CUL5: variants seen among roughly 807,000 people sequenced by gnomAD.
CUL5 encodes cullin 5.
A neutral mutation model predicts 108.8 loss-of-function variants in CUL5; 26 were observed. That is an observed-to-expected ratio of 0.24 (90% CI 0.18 to 0.33). CUL5 has a LOEUF of 0.33. Ranked by LOEUF, CUL5 falls within the 10% of genes least tolerant of loss-of-function variation. CUL5 has a pLI of 1.00. For synonymous variants in CUL5, 334 were observed against 298.0 expected (o/e 1.12, Z -1.25); for missense variants, 524 against 909.2 (o/e 0.58, Z 5.45).
At chr11:108,049,309 A>G (rs1402230770) in intron 3 of CUL5, among the ~76,000 whole-genome samples, 1 of 150,588 alleles carries the variant, frequency 6.6e-6, no homozygotes, top group Admixed American at 6.6e-5. Flanking sequence ...TGGATATACC[A>G]TATATTGTGG....
At chr11:108,069,395 GT>G (rs1345618882) in intron 7 of CUL5, among the ~76,000 whole-genome samples, 2 of 151,348 alleles carry the variant, frequency 1.3e-5, no homozygotes, top group Admixed American at 1.3e-4. Context: ...TCCACTGTCT[GT>G]TTCTTCTCTA....
chr11:108,103,015 C>T (rs562869159), intron 18 of CUL5, among the ~76,000 whole-genome samples: 1 of 152,134 alleles, frequency 6.6e-6, no homozygotes, highest in Non-Finnish European at 1.5e-5. Flanking sequence ...AGGCTGTTCT[C>T]AAACTCCTGG....
At chr11:108,095,172 A>G (rs1422532598) in intron 15 of CUL5, among the ~76,000 whole-genome samples, 185 bp downstream of exon 15, 1 of 152,236 alleles carries the variant, frequency 6.6e-6, no homozygotes, top group African/African-American at 2.4e-5. Flanking sequence ...CATACTTAAG[A>G]TACTGCCGTT....
intron 18 of CUL5, among the ~76,000 whole-genome samples, chr11:108,101,996 G>A (rs953255784): frequency 6.6e-6 from 1 of 152,094 alleles, no homozygotes; most frequent in African/African-American, 2.4e-5. Flanking sequence ...ACCTTCTGGT[G>A]TCATCATATC....
rs545690496 is a variant in CUL5 at position 108,079,348 on chromosome 11, C to T, written c.1178+1108C>T. 2.6e-3 allele frequency among the ~76,000 whole-genome samples: 393 copies of T among 152,248 alleles called. 2 individuals carry two copies. The highest frequency in any genetic ancestry group is 8.6e-3 in the African/African-American group (358 of 41,548). ...CTTGAACTCCTGACCTCAAGTGATC[C>T]GCCCACCTCAGCCTCCCAAAGTGCT... On this transcript the variant is annotated intron_variant, in intron 11 of 18. Transcript: ENST00000393094.
chr11:108,106,443 T>C lies in CUL5; in HGVS notation c.*2059T>C, dbSNP rs971443528. On this transcript the variant is annotated 3_prime_UTR_variant, in exon 19 of 19. Coordinates refer to ENST00000393094, the MANE Select transcript of CUL5 (RefSeq NM_003478.6). ...GGGTAACACTACATTCATAGCAAAG[T>C]TTTTTATTAAATTTTATAAATTTTT... The C allele has an allele frequency of 1.3e-5, 2 of 152,434 alleles. No individual in the cohort carries two copies. Among genetic ancestry groups the C allele is most frequent in the Non-Finnish European group, 2.9e-5 (2 of 68,000 alleles). 9.4% of individuals were successfully genotyped at this position (152,434 alleles called of 1,614,324 possible).
intron 11 of CUL5, among the ~76,000 whole-genome samples, chr11:108,082,446 A>C (rs1337979812): frequency 1.3e-5 from 2 of 151,828 alleles, no homozygotes; most frequent in African/African-American, 4.8e-5. Context: ...ACACCTGGCT[A>C]TATTATTTTT....
At chr11:108,020,189 C>A (rs1034205349) in intron 1 of CUL5, among the ~76,000 whole-genome samples, 6 of 152,176 alleles carry the variant, frequency 3.9e-5, no homozygotes, top group African/African-American at 1.4e-4. Context: ...CTGTTATATA[C>A]TTGTTTTTGT....
At chr11:108,101,550 C>G (rs1190534743) in intron 18 of CUL5, among the ~76,000 whole-genome samples, 1 of 152,234 alleles carries the variant, frequency 6.6e-6, no homozygotes, top group African/African-American at 2.4e-5. Context: ...ACATGGCACA[C>G]TGTCATTGTT....
intron 1 of CUL5, among the ~76,000 whole-genome samples, chr11:108,027,839 G>T (rs1267826313): frequency 6.6e-6 from 1 of 152,142 alleles, no homozygotes; most frequent in African/African-American, 2.4e-5. Flanking sequence ...TACCTGATCT[G>T]TCAGGAGAAA....
chr11:108,030,120 A>G (rs1292283721), intron 1 of CUL5, among the ~76,000 whole-genome samples: 2 of 152,246 alleles, frequency 1.3e-5, no homozygotes, highest in Non-Finnish European at 2.9e-5. Context: ...TAAAAAGTAG[A>G]AAAAGTAATG....
intron 5 of CUL5, 29 bp from the exon 6 acceptor site, chr11:108,054,618 G>T: frequency 2.1e-6 from 3 of 1,426,128 alleles, no homozygotes; most frequent in Non-Finnish European, 9.7e-7. Flanking sequence ...GATCATAATT[G>T]GAGTAATACT....
Position 108,105,208 on chromosome 11 carries a change from T to C in CUL5, c.*824T>C, listed in dbSNP as rs1448312354. ...GAGCCAAAATAGCAAAACAAACATA[T>C]TAAGTGTGTTTACTAAACATATTGT... On this transcript the variant is annotated 3_prime_UTR_variant, in exon 19 of 19. Transcript: ENST00000393094. The C allele has an allele frequency of 2.0e-5, 3 of 152,160 alleles. No individual in the cohort carries two copies. The highest frequency in any genetic ancestry group is 4.4e-5 in the Non-Finnish European group (3 of 67,980). The allele number at this position is 152,160 out of a possible 1,614,324, so 9.4% of individuals were successfully genotyped here.
At chr11:108,027,359 C>T (rs1862477244) in intron 1 of CUL5, among the ~76,000 whole-genome samples, 1 of 151,980 alleles carries the variant, frequency 6.6e-6, no homozygotes, top group East Asian at 1.9e-4. Context: ...GCAAACTCCG[C>T]CTCCCAGGTT....
intron 1 of CUL5, among the ~76,000 whole-genome samples, chr11:108,014,783 A>G (rs1862139018): frequency 6.6e-6 from 1 of 152,240 alleles, no homozygotes; most frequent in African/African-American, 2.4e-5. Context: ...TGTTGGGAAG[A>G]GAGACAATAA....
intron 1 of CUL5, among the ~76,000 whole-genome samples, chr11:108,028,798 T>G (rs1862508850): frequency 6.6e-6 from 1 of 152,108 alleles, no homozygotes; most frequent in African/African-American, 2.4e-5. Flanking sequence ...TACTCCAGCC[T>G]GGGCAGTAGA....
chr11:108,042,218 C>CTTTTTTTTT (rs11440201), intron 2 of CUL5, among the ~76,000 whole-genome samples: 2 of 124,080 alleles, frequency 1.6e-5, no homozygotes, highest in African/African-American at 3.0e-5. Flanking sequence ...ATCCACAATT[C>CTTTTTTTTT]TTTTTTTTTT....
intron 18 of CUL5, among the ~76,000 whole-genome samples, chr11:108,102,171 G>A (rs1354435316): frequency 1.3e-5 from 2 of 151,956 alleles, no homozygotes; most frequent in African/African-American, 4.8e-5. Flanking sequence ...AGAGGTGCTC[G>A]CCACCACACT....
chr11:108,026,417 T>C (rs2135067039), intron 1 of CUL5, among the ~76,000 whole-genome samples: 1 of 152,276 alleles, frequency 6.6e-6, no homozygotes, highest in East Asian at 1.9e-4. Context: ...TCTCAGACAT[T>C]GTCGTTATTT....
Sources: allele counts gnomAD v4.1 joint callset (sites outside exome capture counted in the v4.1 genomes callset), GRCh38; gene constraint gnomAD v4.1.1; transcripts MANE v1.5; gene names NCBI Gene and HGNC (gene_info 2026-07-23, HGNC 2026-07-21).